The following ARHGAP45 variants were observed in gnomAD, a reference collection of about 807,000 sequenced individuals.
ARHGAP45 encodes the protein Rho GTPase activating protein 45, also known as rho GTPase-activating protein 45.
In ARHGAP45, 56 loss-of-function variants were observed where a neutral mutation model predicts 116.1. The ratio of observed to expected loss-of-function variants is 0.48; its 90% CI spans 0.39 to 0.60. The LOEUF (loss-of-function observed/expected upper bound fraction) is 0.60. ARHGAP45 is among the 20% of genes least tolerant of loss of function. The pLI, the probability that ARHGAP45 is intolerant of heterozygous loss-of-function variation, is 0.00. For missense variants in ARHGAP45, 1,622 were observed against 1,601.0 expected (o/e 1.01, Z -0.22); for synonymous variants, 866 against 701.7 (o/e 1.23, Z -3.70).
rs769022778 is a variant in ARHGAP45, at chr19:1,073,141, C to T, written c.422-8C>T. 1 of 1,602,698 alleles carries T rather than the reference C, an allele frequency of 6.2e-7. No homozygotes were observed. Among genetic ancestry groups the T allele is most frequent in the Non-Finnish European group, 8.5e-7 (1 of 1,179,426 alleles). ...TACCCCACTGCTCACTCCGACTCTC[C>T]CCAGCAGACCTCCTTGAGGCCCGCC... On this transcript the variant is annotated splice_region_variant and splice_polypyrimidine_tract_variant and intron_variant, in intron 2 of 22. Coordinates refer to ENST00000313093, the MANE Select transcript of ARHGAP45 (RefSeq NM_012292.5).
At position 1,068,520 on chromosome 19, in the gene ARHGAP45, C is replaced by T; in HGVS notation, c.197C>T (p.Thr66Ile). Residue 66 changes from threonine to isoleucine, a missense_variant, in exon 2 of 23, where the codon ACC (threonine) becomes ATC (isoleucine). Transcript: ENST00000313093. The surrounding 1 kb of genome is among the most constrained non-coding windows in gnomAD (Gnocchi z 7.5). ...GCCACAGGGACCCTCAAGCGGCCCACCAGCCTGAGCCGCCACGCCAGCGCG... is the reference window on the plus strand; with the variant it reads ...GCCACAGGGACCCTCAAGCGGCCCATCAGCCTGAGCCGCCACGCCAGCGCG... Reference protein sequence around the residue: ...VKATGTLKRPTSLSRHASAAG... With the variant: ...VKATGTLKRPISLSRHASAAG... 1 of 1,603,492 alleles carries T rather than the reference C, an allele frequency of 6.2e-7. No homozygotes were observed. Among genetic ancestry groups the T allele is most frequent in the Non-Finnish European group, 8.5e-7 (1 of 1,175,768 alleles).
rs1402312300 is a variant in ARHGAP45, at chr19:1,081,750, GA to G, written c.2379+13del. The G allele has an allele frequency of 1.1e-5, 17 of 1,559,748 alleles. No homozygotes were observed. In the African/African-American group the frequency reaches 2.0e-4, roughly 19 times the overall value. ...CGCTGCGCACCAAGGTGAGGCGGGGGAGGAAGCGGCTCACAGCGAGGAGGCG... is the reference window on the plus strand; with the variant it reads ...CGCTGCGCACCAAGGTGAGGCGGGGGGGAAGCGGCTCACAGCGAGGAGGCG... On this transcript the variant is annotated intron_variant, in intron 18 of 22. Coordinates refer to ENST00000313093, the MANE Select transcript of ARHGAP45 (RefSeq NM_012292.5).
At chr19:1,074,769 G>A in intron 9 of ARHGAP45, 30 bp from the exon 10 acceptor site, 1 of 1,599,286 alleles carries the variant, frequency 6.3e-7, no homozygotes, top group Non-Finnish European at 8.5e-7. Flanking sequence ...GTGTCACCGG[G>A]GTACCCACTC....
intron 10 of ARHGAP45, 59 bp downstream of exon 10, chr19:1,074,938 T>TCCCAGCCCCAGC: frequency 7.1e-7 from 1 of 1,413,362 alleles, no homozygotes; most frequent in East Asian, 2.6e-5. Flanking sequence ...GCAGGCGCAG[T>TCCCAGCCCCAGC]CCCAGCCCCA....
chr19:1,086,238 G>T lies in ARHGAP45; in HGVS notation c.*232G>T, dbSNP rs534605555. Reference sequence around the variant, plus strand: ...CTGTCCCCTGCACCCCGGCTCAGCTGAGCTGGGGAACACTGCTGTCGTGTG... The same window carrying T: ...CTGTCCCCTGCACCCCGGCTCAGCTTAGCTGGGGAACACTGCTGTCGTGTG... On this transcript the variant is annotated 3_prime_UTR_variant, in exon 23 of 23. Transcript: ENST00000313093. 3.1e-5 allele frequency: 17 copies of T among 541,468 alleles called. No homozygotes were observed. The Middle Eastern group carries it at 1.5e-3, about 46-fold the overall frequency. 33.5% of individuals were successfully genotyped at this position (541,468 alleles called of 1,614,324 possible).
chr19:1,082,763 G>A (rs1379177977), intron 19 of ARHGAP45, 77 bp from the exon 20 acceptor site: 8 of 1,280,092 alleles, frequency 6.2e-6, no homozygotes, highest in Non-Finnish European at 8.4e-6. Flanking sequence ...GGGTGGGGCT[G>A]AGGCTGGGGG....
At position 1,081,702 on chromosome 19, in the gene ARHGAP45, C is replaced by A; in HGVS notation, c.2343C>A (p.Cys781Ter). 6.3e-7 allele frequency: 1 copy of A among 1,587,560 alleles called. No individual in the cohort carries two copies. Among genetic ancestry groups the A allele is most frequent in the Non-Finnish European group, 8.6e-7 (1 of 1,166,630 alleles). The change falls in exon 18 of 23, where the codon TGC becomes TGA. Residue 781 changes from cysteine (C) to a stop codon, truncating the protein, a stop_gained. Transcript: ENST00000313093. LOFTEE classifies it high-confidence loss of function. The part of the protein sequence containing the change: ...PDGVPFIVKK[C>*]VCEIERRALR... Reference sequence around the variant, plus strand: ...GCGTGCCCTTCATCGTCAAGAAGTGCGTCTGCGAGATCGAGCGGCGGGCGC... The same window carrying A: ...GCGTGCCCTTCATCGTCAAGAAGTGAGTCTGCGAGATCGAGCGGCGGGCGC...
rs59823423 is a variant in ARHGAP45, at chr19:1,067,386, C to T, written c.-20C>T. Reference sequence around the variant, plus strand: ...GAGACCCCCAGCCCGCCCCCTCGGGCTCCCGGCCGGGGCCCCATCATGTTC... The same window carrying T: ...GAGACCCCCAGCCCGCCCCCTCGGGTTCCCGGCCGGGGCCCCATCATGTTC... On this transcript the variant is annotated 5_prime_UTR_variant, in exon 1 of 23. Coordinates refer to ENST00000313093, the MANE Select transcript of ARHGAP45 (RefSeq NM_012292.5). 1.3e-6 allele frequency: 2 copies of T among 1,541,276 alleles called. No homozygotes were observed. Among genetic ancestry groups the T allele is most frequent in the Non-Finnish European group, 1.7e-6 (2 of 1,147,074 alleles).
At chr19:1,085,510 T>TCTCCTGTCTCTCC in intron 22 of ARHGAP45, 150 bp from the exon 23 acceptor site, 2 of 543,732 alleles carry the variant, frequency 3.7e-6, no homozygotes, top group Non-Finnish European at 6.5e-6. Context: ...TTGTCTCTCC[T>TCTCCTGTCTCTCC]CCATCTCTCC....
intron 11 of ARHGAP45, 45 bp from the exon 12 acceptor site, chr19:1,079,658 A>AC (rs749790213): frequency 6.2e-7 from 1 of 1,605,276 alleles, no homozygotes; most frequent in South Asian, 1.1e-5. Flanking sequence ...TGAGTCCTGC[A>AC]CCCCGGGCTG....
At position 1,080,380 on chromosome 19, in the gene ARHGAP45, G is replaced by T; in HGVS notation, c.1828+1G>T. 1.2e-6 allele frequency: 2 copies of T among 1,607,848 alleles called. No individual in the cohort carries two copies. The highest frequency in any genetic ancestry group is 1.7e-4 in the Middle Eastern group (1 of 6,032). ...GGCACACCTGCCAAGGACCACAGGG[G>T]TGAGTGTCCGGCGGGGCCCAGGGGC... On this transcript the variant is annotated splice_donor_variant, in intron 14 of 22. Transcript: ENST00000313093. LOFTEE classifies it high-confidence loss of function.
intron 22 of ARHGAP45, 131 bp from the exon 23 acceptor site, chr19:1,085,529 C>CTCCATCTCTCCTGTCTCT (rs147365366): frequency 3.1e-6 from 2 of 643,490 alleles, no homozygotes; most frequent in Non-Finnish European, 5.3e-6. Context: ...CCTGTCTCTC[C>CTCCATCTCTCCTGTCTCT]CCATCTCTCC....
intron 11 of ARHGAP45, among the ~76,000 whole-genome samples, chr19:1,078,386 G>C (rs538913909): frequency 7.3e-5 from 11 of 151,566 alleles, no homozygotes; most frequent in South Asian, 4.2e-4. Context: ...CTCGTGATCC[G>C]TCCACCTCGG....
At chr19:1,077,186 C>T (rs1239776047) in intron 10 of ARHGAP45, 1 of 985,348 alleles carries the variant, frequency 1.0e-6, no homozygotes, top group Non-Finnish European at 1.2e-6. Flanking sequence ...CTGTTCTCGT[C>T]TGTGAGGAGG....
rs767745088 is a variant in ARHGAP45 at position 1,084,371 on chromosome 19, C to A, written c.3064+25C>A. 7 of 1,574,744 alleles carry A rather than the reference C, an allele frequency of 4.4e-6. No homozygotes were observed. The African/African-American group carries it at 8.2e-5, about 18-fold the overall frequency. ...GGTGAGTGTGTGGCTGCCCGAACGG[C>A]CCCAAGGGAGGCTGGCGTGTGCCAC... On this transcript the variant is annotated intron_variant, in intron 22 of 22. Coordinates refer to ENST00000313093, the MANE Select transcript of ARHGAP45 (RefSeq NM_012292.5).
In ARHGAP45 at chr19:1,086,420, G is replaced by C. The variant is rs1263490909; in HGVS notation, c.*414G>C. The C allele has an allele frequency of 5.6e-6, 1 of 179,172 alleles. No individual in the cohort carries two copies. Among genetic ancestry groups the C allele is most frequent in the African/African-American group, 2.4e-5 (1 of 42,042 alleles). 11.1% of individuals were successfully genotyped at this position (179,172 alleles called of 1,614,324 possible). A position where few individuals can be genotyped will look rare whatever the true frequency, so the allele number is the denominator to read the frequency against. The stretch of plus-strand genomic sequence containing the variant: ...TTGCAGGGACTCCAGAAACCATTCT[G>C]GGAGCCGTGGATGGGGGCGGAGCTG... On this transcript the variant is annotated 3_prime_UTR_variant, in exon 23 of 23. Coordinates refer to ENST00000313093, the MANE Select transcript of ARHGAP45 (RefSeq NM_012292.5).
chr19:1,073,622 G>A lies in ARHGAP45; in HGVS notation c.650+32G>A, dbSNP rs371408765. On this transcript the variant is annotated intron_variant, in intron 4 of 22. Transcript: ENST00000313093. ...ACGGGAGCCTGTGGGGCAGGGCAAG[G>A]GAGCGTGGGGGGCCCGGGTGTCTCT... 3.7e-6 allele frequency: 6 copies of A among 1,612,656 alleles called. No individual in the cohort carries two copies. The African/African-American group carries it at 4.0e-5, about 11-fold the overall frequency.
rs771987871 is a variant in ARHGAP45, at chr19:1,080,732, A to C, written c.1963A>C (p.Thr655Pro). ...GTCATCCAGTGGTACCATGTCGTCC[A>C]CGGAGGAGCTGGTGGACCCAGACGG... ...RTSSSGTMSS[T>P]EELVDPDGGA... The change falls in exon 16 of 23, where the codon ACG (threonine) becomes CCG (proline). Residue 655 changes from threonine (T) to proline (P), a missense_variant. Around this residue, in one of 3 missense-constraint regions of ARHGAP45, gnomAD observed 1,334 missense variants for 1,263.8 expected, o/e 1.06. Transcript: ENST00000313093. 1 of 1,613,588 alleles carries C rather than the reference A, an allele frequency of 6.2e-7. No individual in the cohort carries two copies. Among genetic ancestry groups the C allele is most frequent in the Non-Finnish European group, 8.5e-7 (1 of 1,179,958 alleles).
chr19:1,085,550 T>TCTCTCCTGTCTCTCCAC, intron 22 of ARHGAP45, 110 bp from the exon 23 acceptor site: 1 of 483,110 alleles, frequency 2.1e-6, no homozygotes, highest in Non-Finnish European at 3.5e-6. Flanking sequence ...TGTCTCTCCA[T>TCTCTCCTGTCTCTCCAC]CTCTCTCCCC....
Sources: allele counts gnomAD v4.1 joint callset (sites outside exome capture counted in the v4.1 genomes callset), GRCh38; gene constraint gnomAD v4.1.1; regional missense constraint gnomAD v4.1.1; non-coding constraint Gnocchi (gnomAD v3.1); transcripts MANE v1.5; gene names NCBI Gene and HGNC (gene_info 2026-07-23, HGNC 2026-07-21).